Variants in CCSER1 observed in about 807,000 individuals in gnomAD.
The protein encoded by CCSER1 is serine-rich coiled-coil domain-containing protein 1.
Under a neutral mutation model 82.0 loss-of-function variants are expected in CCSER1, and 41 were observed. That is an observed-to-expected ratio of 0.50 (90% CI 0.39 to 0.65). CCSER1 has a LOEUF of 0.65. CCSER1 is among the 30% of genes least tolerant of loss of function. The pLI, the probability that CCSER1 is intolerant of heterozygous loss-of-function variation, is 0.00. For missense variants in CCSER1, 1,119 were observed against 1,064.2 expected, an observed-to-expected ratio of 1.05 and a Z score of -0.72; for synonymous variants, 414 against 383.9, an observed-to-expected ratio of 1.08 and a Z score of -0.92.
chr4:91,243,579 C>G (rs975510921), intron 10 of CCSER1, among the ~76,000 whole-genome samples: 1 of 152,150 alleles, frequency 6.6e-6, no homozygotes, highest in Non-Finnish European at 1.5e-5. Context: ...ACCAGCTCAG[C>G]GGTAGTAGGA....
At chr4:91,586,388 G>T (rs1490751437) in intron 10 of CCSER1, among the ~76,000 whole-genome samples, 1 of 151,614 alleles carries the variant, frequency 6.6e-6, no homozygotes, top group African/African-American at 2.4e-5. Flanking sequence ...AGAGTGAAAT[G>T]AATCTGGACC....
chr4:91,451,096 A>T (rs1755848222), intron 10 of CCSER1, among the ~76,000 whole-genome samples: 1 of 139,094 alleles, frequency 7.2e-6, no homozygotes, highest in South Asian at 2.4e-4. Context: ...CAAAGATGGT[A>T]CCTTCTAGCT....
intron 8 of CCSER1, among the ~76,000 whole-genome samples, chr4:90,844,037 C>G (rs1364767871): frequency 3.3e-5 from 5 of 152,068 alleles, no homozygotes; most frequent in South Asian, 2.1e-4. Flanking sequence ...TTATTACACA[C>G]TATACATTCT....
intron 10 of CCSER1, among the ~76,000 whole-genome samples, chr4:91,221,169 A>T (rs1737710573): frequency 6.6e-6 from 1 of 152,076 alleles, no homozygotes; most frequent in African/African-American, 2.4e-5. Context: ...TTTAGTAATT[A>T]CCTTACCAGT....
At chr4:91,463,132 C>T (rs1756612676) in intron 10 of CCSER1, among the ~76,000 whole-genome samples, 1 of 152,160 alleles carries the variant, frequency 6.6e-6, no homozygotes, top group African/African-American at 2.4e-5. Context: ...TGACTCCCCA[C>T]ATGGCCAAGT....
At chr4:91,119,608 G>C (rs1489764651) in intron 10 of CCSER1, among the ~76,000 whole-genome samples, 1 of 151,936 alleles carries the variant, frequency 6.6e-6, no homozygotes, top group African/African-American at 2.4e-5. Flanking sequence ...GATGTAGTCT[G>C]AGAAGTCATT....
At chr4:90,327,782 A>C (rs1004561559) in intron 3 of CCSER1, among the ~76,000 whole-genome samples, 1 of 152,148 alleles carries the variant, frequency 6.6e-6, no homozygotes, top group Admixed American at 6.5e-5. Flanking sequence ...ACAACTAAAA[A>C]TATTTCCAGA....
At chr4:90,136,346 T>C (rs924885068) in intron 1 of CCSER1, among the ~76,000 whole-genome samples, 2 of 152,094 alleles carry the variant, frequency 1.3e-5, no homozygotes, top group African/African-American at 2.4e-5. Flanking sequence ...CAAGACCCTG[T>C]CTCTAAAAAA....
chr4:91,563,210 G>A (rs78819289), intron 10 of CCSER1, among the ~76,000 whole-genome samples: 10,594 of 151,530 alleles, frequency 0.07, 556 homozygotes, highest in South Asian at 0.16. Context: ...AGTCAGGCCG[G>A]GACACCACAA....
intron 6 of CCSER1, among the ~76,000 whole-genome samples, chr4:90,634,161 A>G (rs765840058): frequency 1.3e-5 from 2 of 151,750 alleles, no homozygotes; most frequent in South Asian, 4.1e-4. Flanking sequence ...TCAAACAAAT[A>G]TATTTTGATA....
intron 10 of CCSER1, among the ~76,000 whole-genome samples, chr4:91,540,707 A>T (rs1036813595): frequency 2.6e-5 from 4 of 152,114 alleles, no homozygotes; most frequent in South Asian, 2.1e-4. Context: ...ATGCATTTTG[A>T]GTTGACTTTT....
At chr4:90,851,049 C>T (rs1238782538) in intron 8 of CCSER1, among the ~76,000 whole-genome samples, 2 of 152,158 alleles carry the variant, frequency 1.3e-5, no homozygotes, top group African/African-American at 4.8e-5. Flanking sequence ...AAAGGGGCTT[C>T]CCCCTTCACT....
chr4:90,172,825 G>A lies in CCSER1; in HGVS notation c.-42+44994G>A, dbSNP rs1011714426. Among the ~76,000 whole-genome samples the A allele has an allele frequency of 7.8e-4, 119 of 151,860 alleles. 1 individual carries two copies. Among genetic ancestry groups the A allele is most frequent in the African/African-American group, 2.4e-3 (98 of 41,416 alleles). On this transcript the variant is annotated intron_variant, in intron 1 of 10. Transcript: ENST00000509176. ...TAGTGACCTAGGATTGAAACAATAT[G>A]TGTGCCTGGTGGTATGGCTGGAGTT...
At chr4:90,969,201 G>GTC (rs370471742) in intron 9 of CCSER1, among the ~76,000 whole-genome samples, 1 of 151,908 alleles carries the variant, frequency 6.6e-6, no homozygotes, top group African/African-American at 2.4e-5. Context: ...TTATGTAAGT[G>GTC]TCTGAAGATA....
At chr4:91,342,748 A>G (rs1264318257) in intron 10 of CCSER1, among the ~76,000 whole-genome samples, 2 of 152,128 alleles carry the variant, frequency 1.3e-5, no homozygotes, top group Non-Finnish European at 2.9e-5. Flanking sequence ...AAATGTTTCA[A>G]TTACATATAG....
intron 3 of CCSER1, among the ~76,000 whole-genome samples, chr4:90,365,237 A>C (rs542622603): frequency 4.6e-5 from 7 of 152,068 alleles, no homozygotes; most frequent in Non-Finnish European, 8.8e-5. Context: ...AGCATAATAC[A>C]TAAGGTTAAT....
chr4:91,493,685 C>T (rs1758667355), intron 10 of CCSER1, among the ~76,000 whole-genome samples: 1 of 151,558 alleles, frequency 6.6e-6, no homozygotes, highest in South Asian at 2.1e-4. Context: ...CCTTCTTTGA[C>T]TCATAGTGAA....
intron 10 of CCSER1, among the ~76,000 whole-genome samples, chr4:91,151,428 A>G (rs1369315910): frequency 6.6e-6 from 1 of 151,882 alleles, no homozygotes; most frequent in Non-Finnish European, 1.5e-5. Context: ...CAGCTCCTGG[A>G]TTCATTGATT....
At chr4:90,758,270 G>T (rs1454576361) in intron 7 of CCSER1, among the ~76,000 whole-genome samples, 2 of 152,006 alleles carry the variant, frequency 1.3e-5, no homozygotes, top group Admixed American at 6.6e-5. Context: ...CTATTAAGAA[G>T]AAAATAACTG....
Sources: gnomAD v4.1 joint callset for allele counts (sites outside exome capture counted in the v4.1 genomes callset) on GRCh38, gnomAD v4.1.1 for gene constraint, MANE v1.5 for transcripts, NCBI Gene and HGNC (gene_info 2026-07-23, HGNC 2026-07-21) for gene names.